CPNE4: variants seen among roughly 807,000 people sequenced by gnomAD.
CPNE4 encodes copine 4, also known as copine-4.
A neutral mutation model predicts 67.9 loss-of-function variants in CPNE4; 25 were observed. The observed-to-expected ratio is 0.37, with a 90% CI of 0.27 to 0.51. CPNE4 has a LOEUF of 0.51. CPNE4 is among the 20% of genes least tolerant of loss of function. The pLI, the probability that CPNE4 is intolerant of heterozygous loss-of-function variation, is 0.93. For synonymous variants in CPNE4, 242 were observed against 244.9 expected, an observed-to-expected ratio of 0.99 and a Z score of 0.11; for missense variants, 464 against 690.8, an observed-to-expected ratio of 0.67 and a Z score of 3.68.
chr3:131,698,946 T>C (rs2107701198), intron 4 of CPNE4, among the ~76,000 whole-genome samples: 1 of 150,992 alleles, frequency 6.6e-6, no homozygotes, highest in South Asian at 2.1e-4. Context: ...GGTTTCTCTC[T>C]AGTTAAAAAG....
chr3:131,645,174 G>T (rs1337860864), intron 7 of CPNE4, among the ~76,000 whole-genome samples: 1 of 152,118 alleles, frequency 6.6e-6, no homozygotes, highest in Non-Finnish European at 1.5e-5. Flanking sequence ...GACTAACATC[G>T]TACCTACCTT....
At chr3:132,028,524 G>A (rs1181538711) in intron 1 of CPNE4, among the ~76,000 whole-genome samples, 1 of 152,134 alleles carries the variant, frequency 6.6e-6, no homozygotes, top group African/African-American at 2.4e-5. Flanking sequence ...GGTAAGAGAT[G>A]GGGGAAGGGA....
chr3:131,583,267 C>G (rs1157930899), intron 8 of CPNE4, among the ~76,000 whole-genome samples: 1 of 152,176 alleles, frequency 6.6e-6, no homozygotes, highest in African/African-American at 2.4e-5. Context: ...CTCATTTACT[C>G]TCCAAGTGGG....
chr3:131,837,534 G>A (rs1276418156), intron 2 of CPNE4, among the ~76,000 whole-genome samples: 1 of 152,016 alleles, frequency 6.6e-6, no homozygotes, highest in African/African-American at 2.4e-5. Flanking sequence ...TTGTGGATGG[G>A]GAAATAAGTG....
intron 1 of CPNE4, among the ~76,000 whole-genome samples, chr3:131,978,510 ATATT>A (rs1489231686): frequency 3.8e-5 from 3 of 79,920 alleles, no homozygotes; most frequent in African/African-American, 1.2e-4. Flanking sequence ...ATATTTATAT[ATATT>A]TATTTATATA....
intron 7 of CPNE4, among the ~76,000 whole-genome samples, chr3:131,656,171 T>A (rs561034934): frequency 2.3e-4 from 35 of 151,212 alleles, no homozygotes; most frequent in African/African-American, 7.8e-4. Flanking sequence ...TTCTTCTAAC[T>A]CCCTATGGCT....
chr3:131,764,721 G>T (rs1327343727), intron 2 of CPNE4, among the ~76,000 whole-genome samples: 1 of 152,218 alleles, frequency 6.6e-6, no homozygotes. Flanking sequence ...GAAGAAGACT[G>T]CTTTGTCCAT....
chr3:131,982,604 G>T (rs1244812278), intron 1 of CPNE4, among the ~76,000 whole-genome samples: 1 of 152,038 alleles, frequency 6.6e-6, no homozygotes, highest in African/African-American at 2.4e-5. Flanking sequence ...TATTATTTGT[G>T]TGCTTTATTG....
At chr3:132,019,210 ACAAG>A (rs1358160319) in intron 1 of CPNE4, among the ~76,000 whole-genome samples, 1 of 152,216 alleles carries the variant, frequency 6.6e-6, no homozygotes, top group Non-Finnish European at 1.5e-5. Flanking sequence ...TACAAATAAA[ACAAG>A]CAAGAAAGCA....
chr3:131,761,257 C>T (rs2082884017), intron 2 of CPNE4, among the ~76,000 whole-genome samples: 1 of 145,172 alleles, frequency 6.9e-6, no homozygotes, highest in Non-Finnish European at 1.5e-5. Flanking sequence ...GCTCTGTCCC[C>T]TGAGCTTGAG....
Position 131,542,011 on chromosome 3 carries a change from A to G in CPNE4, c.1539+546T>C, listed in dbSNP as rs539826149. Among the ~76,000 whole-genome samples, 100 of 152,276 alleles carry G rather than the reference A, an allele frequency of 6.6e-4. 1 individual carries two copies. The highest frequency in any genetic ancestry group is 2.3e-3 in the African/African-American group (97 of 41,554). On this transcript the variant is annotated intron_variant, in intron 15 of 15. Transcript: ENST00000429747. ...AACTAACTTTATCATCTTGTTTTGA[A>G]GGAGTTAAATAAATTTTTGATGCTG...
chr3:132,005,921 G>A (rs1181090467), intron 1 of CPNE4, among the ~76,000 whole-genome samples: 2 of 152,192 alleles, frequency 1.3e-5, no homozygotes, highest in African/African-American at 4.8e-5. Flanking sequence ...ATACTACAAA[G>A]ATTAGGGTAC....
At chr3:131,753,349 A>G (rs567434886) in intron 2 of CPNE4, among the ~76,000 whole-genome samples, 1 of 152,226 alleles carries the variant, frequency 6.6e-6, no homozygotes, top group East Asian at 1.9e-4. Context: ...GTAACTACAC[A>G]TGTATATGTT....
intron 1 of CPNE4, among the ~76,000 whole-genome samples, chr3:131,952,852 T>A (rs554562900): frequency 6.6e-6 from 1 of 152,300 alleles, no homozygotes; most frequent in Admixed American, 6.5e-5. Flanking sequence ...CCTGTCTGTG[T>A]AGAAAGAATT....
intron 7 of CPNE4, among the ~76,000 whole-genome samples, chr3:131,654,719 C>T (rs1400022722): frequency 6.6e-6 from 1 of 152,124 alleles, no homozygotes; most frequent in African/African-American, 2.4e-5. Flanking sequence ...CCCTTAAATC[C>T]CAACAAAGAA....
chr3:131,762,929 T>G (rs2107817075), intron 2 of CPNE4, among the ~76,000 whole-genome samples: 1 of 150,642 alleles, frequency 6.6e-6, no homozygotes, highest in South Asian at 2.1e-4. Context: ...AAAAGCCACA[T>G]ACACAAAAGT....
chr3:131,817,069 G>A (rs1362826841), intron 2 of CPNE4, among the ~76,000 whole-genome samples: 3 of 152,126 alleles, frequency 2.0e-5, no homozygotes, highest in Non-Finnish European at 4.4e-5. Flanking sequence ...CCTAATGTGG[G>A]CGTAAAGGGC....
At chr3:131,683,548 G>C (rs1163443399) in intron 6 of CPNE4, among the ~76,000 whole-genome samples, 1 of 152,168 alleles carries the variant, frequency 6.6e-6, no homozygotes, top group Non-Finnish European at 1.5e-5. Flanking sequence ...TCAAGTGGGA[G>C]GGAGGAGTGT....
chr3:131,832,069 T>A (rs1029816526), intron 2 of CPNE4, among the ~76,000 whole-genome samples: 1 of 152,230 alleles, frequency 6.6e-6, no homozygotes, highest in Non-Finnish European at 1.5e-5. Context: ...GTTCTCATTG[T>A]CAGGGGTTCA....
Sources: gnomAD v4.1 joint callset for allele counts (sites outside exome capture counted in the v4.1 genomes callset) on GRCh38, gnomAD v4.1.1 for gene constraint, MANE v1.5 for transcripts, NCBI Gene and HGNC (gene_info 2026-07-23, HGNC 2026-07-21) for gene names.